ABCA1: variants seen among roughly 807,000 people sequenced by gnomAD.
The protein encoded by ABCA1 is ATP binding cassette subfamily A member 1, also known as phospholipid-transporting ATPase ABCA1.
A neutral mutation model predicts 262.5 loss-of-function variants in ABCA1; 133 were observed. That is an observed-to-expected ratio of 0.51 (90% CI 0.44 to 0.59). The LOEUF (loss-of-function observed/expected upper bound fraction) is 0.59, where lower values mean the gene tolerates loss of function less well. ABCA1 is among the 20% of genes least tolerant of loss of function. ABCA1 has a pLI of 0.00. For missense variants in ABCA1, 2,452 were observed against 2,777.5 expected (o/e 0.88, Z 2.63); for synonymous variants, 1,022 against 1,043.5 (o/e 0.98, Z 0.40).
At position 104,802,179 on chromosome 9, in the gene ABCA1, T is replaced by C; in HGVS notation, c.4593-20A>G. The stretch of plus-strand genomic sequence containing the variant: ...CCATACCTAAAAGAACAGCCTGACA[T>C]TAAAACCCAGACAGTGGGGTGCACA... On this transcript the variant is annotated intron_variant, in intron 33 of 49. Transcript: ENST00000374736. 1 of 1,607,336 alleles carries C rather than the reference T, an allele frequency of 6.2e-7. No homozygotes were observed.
At chr9:104,905,899 T>C (rs1841095369) in intron 1 of ABCA1, among the ~76,000 whole-genome samples, 1 of 152,206 alleles carries the variant, frequency 6.6e-6, no homozygotes, top group Non-Finnish European at 1.5e-5. Context: ...AGCCCCGGCT[T>C]CCCAACTATG....
intron 7 of ABCA1, among the ~76,000 whole-genome samples, chr9:104,856,864 T>A (rs1245934120): frequency 6.6e-6 from 1 of 152,190 alleles, no homozygotes; most frequent in Non-Finnish European, 1.5e-5. Context: ...TTTTGTACCA[T>A]TCATAATAAC....
At chr9:104,795,254 G>T (rs1246336952) in intron 39 of ABCA1, among the ~76,000 whole-genome samples, 1 of 152,234 alleles carries the variant, frequency 6.6e-6, no homozygotes, top group Admixed American at 6.5e-5. Context: ...GGAGCATGGT[G>T]GTTGGAGGCA....
At chr9:104,904,335 C>T (rs1178171760) in intron 1 of ABCA1, among the ~76,000 whole-genome samples, 9 of 151,942 alleles carry the variant, frequency 5.9e-5, no homozygotes, top group Middle Eastern at 3.2e-3. Context: ...TTTGGGAGGC[C>T]GAGGCAGGCG....
At position 104,854,235 on chromosome 9, in the gene ABCA1, C is replaced by A. The variant is rs73663571; in HGVS notation, c.720+4287G>T. Among the ~76,000 whole-genome samples the A allele has an allele frequency of 8.9e-3, 1,361 of 152,172 alleles. 27 individuals carry two copies. Among genetic ancestry groups the A allele is most frequent in the African/African-American group, 0.031 (1,274 of 41,490 alleles). ...AATGGACTTCAGTCCTACAACTGCACGGGACTGAATTCATCTGATATCCTG... is the reference window on the plus strand; with the variant it reads ...AATGGACTTCAGTCCTACAACTGCAAGGGACTGAATTCATCTGATATCCTG... On this transcript the variant is annotated intron_variant, in intron 7 of 49. Coordinates refer to ENST00000374736, the MANE Select transcript of ABCA1 (RefSeq NM_005502.4).
intron 34 of ABCA1, 141 bp downstream of exon 34, chr9:104,801,913 G>T: frequency 1.2e-6 from 1 of 810,566 alleles, no homozygotes; most frequent in Non-Finnish European, 2.1e-6. Flanking sequence ...GGCTCAAATC[G>T]CTAAATGCCA....
At position 104,809,531 on chromosome 9, in the gene ABCA1, T is replaced by C. The variant is rs1448437654; in HGVS notation, c.4209A>G (p.Glu1403=). ...NDAPEDTGTL[E]LLNALTKDPG... ...GGTCTTTGGTGAGGGCGTTTAAGAG[T>C]TCCAGGGTTCCCGTGTCCTCAGGAG... Residue 1403 remains glutamate, a synonymous_variant, in exon 30 of 50, where the codon GAA becomes GAG. Transcript: ENST00000374736. 6 of 1,613,934 alleles carry C rather than the reference T, an allele frequency of 3.7e-6. No homozygotes were observed. In the Admixed American group the frequency reaches 8.3e-5, roughly 22 times the overall value.
chr9:104,910,307 G>A (rs1378197381), intron 1 of ABCA1, among the ~76,000 whole-genome samples: 1 of 152,210 alleles, frequency 6.6e-6, no homozygotes, highest in Admixed American at 6.5e-5. Context: ...CACCCCTGCT[G>A]CAATCTTATA....
chr9:104,890,300 C>A (rs1435515370), intron 2 of ABCA1, among the ~76,000 whole-genome samples: 1 of 152,120 alleles, frequency 6.6e-6, no homozygotes, highest in African/African-American at 2.4e-5. Flanking sequence ...AAAGATTGGG[C>A]TGGGCACAGT....
At chr9:104,901,158 C>A (rs1228521913) in intron 2 of ABCA1, among the ~76,000 whole-genome samples, 1 of 152,126 alleles carries the variant, frequency 6.6e-6, no homozygotes, top group Non-Finnish European at 1.5e-5. Flanking sequence ...CTTTTCCCTG[C>A]CCTTTCTTCT....
chr9:104,787,503 G>C (rs1829032245), intron 46 of ABCA1, among the ~76,000 whole-genome samples: 1 of 152,094 alleles, frequency 6.6e-6, no homozygotes, highest in African/African-American at 2.4e-5. Flanking sequence ...GAAGAAAAAA[G>C]GTCAAGGGCC....
intron 44 of ABCA1, among the ~76,000 whole-genome samples, chr9:104,790,459 C>T (rs1457799743): frequency 6.6e-6 from 1 of 151,892 alleles, no homozygotes. Flanking sequence ...GAAATGTAAC[C>T]CACTGGGAAA....
intron 9 of ABCA1, among the ~76,000 whole-genome samples, chr9:104,838,298 T>C (rs2989944): frequency 0.48 from 65,672 of 137,926 alleles, 16,874 homozygotes; most frequent in East Asian, 0.8. Flanking sequence ...AGCGAAACTC[T>C]GTCTCCCAAA....
chr9:104,872,316 A>G (rs1837689705), intron 5 of ABCA1, among the ~76,000 whole-genome samples: 1 of 152,206 alleles, frequency 6.6e-6, no homozygotes, highest in Admixed American at 6.5e-5. Flanking sequence ...GGTTCTTTCC[A>G]CTATATCAGC....
intron 7 of ABCA1, among the ~76,000 whole-genome samples, chr9:104,847,809 G>A (rs183394465): frequency 1.2e-4 from 18 of 152,138 alleles, no homozygotes; most frequent in African/African-American, 3.6e-4. Flanking sequence ...TTTGCCAAAC[G>A]GCAAAATAAA....
chr9:104,920,538 T>A (rs1299839685), intron 1 of ABCA1, among the ~76,000 whole-genome samples: 1 of 152,160 alleles, frequency 6.6e-6, no homozygotes, highest in East Asian at 1.9e-4. Context: ...TTTTGTTTTG[T>A]TTTTTTGAGA....
At chr9:104,899,587 G>A (rs995282243) in intron 2 of ABCA1, among the ~76,000 whole-genome samples, 3 of 151,950 alleles carry the variant, frequency 2.0e-5, no homozygotes, top group Admixed American at 6.6e-5. Flanking sequence ...CCAGCTACCC[G>A]GGAGGCTGAG....
chr9:104,869,140 C>T (rs1837360985), intron 5 of ABCA1, among the ~76,000 whole-genome samples: 1 of 152,102 alleles, frequency 6.6e-6, no homozygotes, highest in Non-Finnish European at 1.5e-5. Context: ...CAGTGCCCTC[C>T]AGTCCCCAGC....
At chr9:104,862,613 G>C (rs1160131028) in intron 5 of ABCA1, among the ~76,000 whole-genome samples, 1 of 139,564 alleles carries the variant, frequency 7.2e-6, no homozygotes, top group East Asian at 2.1e-4. Flanking sequence ...CACCTGGAGA[G>C]CTTGTTAAAA....
Sources: gnomAD v4.1 joint callset for allele counts (sites outside exome capture counted in the v4.1 genomes callset) on GRCh38, gnomAD v4.1.1 for gene constraint, MANE v1.5 for transcripts, NCBI Gene and HGNC (gene_info 2026-07-23, HGNC 2026-07-21) for gene names.